PDE8B: variants seen among roughly 807,000 people sequenced by gnomAD.
The protein encoded by PDE8B is phosphodiesterase 8B, also known as high affinity cAMP-specific and IBMX-insensitive 3',5'-cyclic phosphodiesterase 8B.
In PDE8B, 26 loss-of-function variants were observed where a neutral mutation model predicts 101.3. The observed-to-expected ratio is 0.26, with a 90% CI of 0.19 to 0.36. PDE8B has a LOEUF of 0.36. PDE8B is among the 10% of genes least tolerant of loss of function. The probability of loss-of-function intolerance (pLI) is 1.00; values close to 1 mark genes in which losing one functional copy is unlikely to be tolerated. For synonymous variants in PDE8B, 424 were observed against 429.3 expected (o/e 0.99, Z 0.15); for missense variants, 810 against 1,163.1 (o/e 0.70, Z 4.42).
chr5:77,198,595 A>AT, the PDE8B span, among the ~76,000 whole-genome samples: 1 of 152,158 alleles, frequency 6.6e-6, no homozygotes, highest in Non-Finnish European at 1.5e-5. Flanking sequence ...TGGGGTAGTC[A>AT]TATTGTATAT....
the PDE8B span, among the ~76,000 whole-genome samples, chr5:77,116,829 G>T: frequency 1.0e-2 from 1,521 of 152,278 alleles, 27 homozygotes; most frequent in South Asian, 0.052. Flanking sequence ...TGTACTGTTT[G>T]TGTTTCTTTA....
At chr5:77,231,243 C>T (rs1160297269) in intron 1 of PDE8B, among the ~76,000 whole-genome samples, 1 of 152,136 alleles carries the variant, frequency 6.6e-6, no homozygotes, top group Non-Finnish European at 1.5e-5. Context: ...ATACAGCAGA[C>T]AGTGTGGAAA....
chr5:77,373,090 C>T (rs1314632360), intron 10 of PDE8B, among the ~76,000 whole-genome samples: 1 of 151,126 alleles, frequency 6.6e-6, no homozygotes, highest in African/African-American at 2.4e-5. Context: ...TGTTTGTGTC[C>T]TCTCTCTTTT....
intron 5 of PDE8B, among the ~76,000 whole-genome samples, chr5:77,333,572 A>G (rs1021523551): frequency 7.9e-5 from 12 of 152,196 alleles, no homozygotes; most frequent in African/African-American, 2.9e-4. Context: ...GGACCCATGT[A>G]CGTGCTGTTG....
At chr5:77,342,315 A>G (rs1779350245) in intron 6 of PDE8B, among the ~76,000 whole-genome samples, 1 of 152,200 alleles carries the variant, frequency 6.6e-6, no homozygotes, top group Non-Finnish European at 1.5e-5. Context: ...AACCTGTGAA[A>G]TACGTATTAT....
rs1791941804 is a variant in PDE8B, at chr5:77,400,131, G to A, written c.1168-117G>A. 6.1e-5 allele frequency: 46 copies of A among 759,216 alleles called. No homozygotes were observed. The South Asian group carries it at 6.3e-4, about 10-fold the overall frequency. 47.0% of individuals were successfully genotyped at this position (759,216 alleles called of 1,614,324 possible). On this transcript the variant is annotated intron_variant, in intron 10 of 21. Coordinates refer to ENST00000264917, the MANE Select transcript of PDE8B (RefSeq NM_003719.5). ...TTCATCTGTTCATATTATATGTGCAGCTTCTTGCTTTCTTCAAGTCTTCAG... is the reference window on the plus strand; with the variant it reads ...TTCATCTGTTCATATTATATGTGCAACTTCTTGCTTTCTTCAAGTCTTCAG...
chr5:77,154,926 G>T, the PDE8B span, among the ~76,000 whole-genome samples: 1 of 152,182 alleles, frequency 6.6e-6, no homozygotes, highest in Non-Finnish European at 1.5e-5. Flanking sequence ...AGCGGTGGCA[G>T]GGAGAGACCT....
intron 6 of PDE8B, among the ~76,000 whole-genome samples, chr5:77,343,299 G>A (rs1779546494): frequency 6.6e-6 from 1 of 152,150 alleles, no homozygotes; most frequent in African/African-American, 2.4e-5. Context: ...GGATGATTTT[G>A]TCATTGTGCA....
chr5:77,231,967 G>A (rs918823554), intron 1 of PDE8B, among the ~76,000 whole-genome samples: 2 of 152,224 alleles, frequency 1.3e-5, no homozygotes, highest in African/African-American at 4.8e-5. Flanking sequence ...CCAGCCACAA[G>A]GGAGGCTTGT....
At chr5:77,143,543 G>A in the PDE8B span, among the ~76,000 whole-genome samples, 1 of 152,164 alleles carries the variant, frequency 6.6e-6, no homozygotes, top group East Asian at 1.9e-4. Context: ...ATAAGTGGAA[G>A]ATGTTATGGA....
At chr5:77,417,543 C>A (rs932922026) in intron 17 of PDE8B, among the ~76,000 whole-genome samples, 2 of 152,174 alleles carry the variant, frequency 1.3e-5, no homozygotes, top group Admixed American at 6.5e-5. Flanking sequence ...TCTGATAACT[C>A]CTAAAGCTGC....
At chr5:77,280,358 G>GGT (rs1012107205) in intron 1 of PDE8B, among the ~76,000 whole-genome samples, 3 of 151,942 alleles carry the variant, frequency 2.0e-5, no homozygotes, top group African/African-American at 7.3e-5. Flanking sequence ...CCTGCAGGAG[G>GGT]GTGTGTGTGT....
At chr5:77,194,831 A>G in the PDE8B span, among the ~76,000 whole-genome samples, 1 of 152,214 alleles carries the variant, frequency 6.6e-6, no homozygotes, top group Non-Finnish European at 1.5e-5. Flanking sequence ...TTGTGTATTC[A>G]GTCATCTGTT....
chr5:77,401,044 A>C (rs1223351081), intron 11 of PDE8B, among the ~76,000 whole-genome samples: 1 of 152,204 alleles, frequency 6.6e-6, no homozygotes, highest in African/African-American at 2.4e-5. Context: ...ATACTTAGAA[A>C]GATGTCATTT....
intron 1 of PDE8B, among the ~76,000 whole-genome samples, chr5:77,227,957 C>T (rs898921430): frequency 1.2e-4 from 18 of 152,004 alleles, no homozygotes; most frequent in African/African-American, 4.1e-4. Context: ...CTTAAGACAC[C>T]CACATTTATT....
At chr5:77,155,392 G>C in the PDE8B span, among the ~76,000 whole-genome samples, 1 of 152,194 alleles carries the variant, frequency 6.6e-6, no homozygotes, top group East Asian at 1.9e-4. Context: ...CTAAAACAGA[G>C]AGCAGTAAAT....
intron 10 of PDE8B, among the ~76,000 whole-genome samples, chr5:77,388,924 G>A (rs935521297): frequency 4.6e-5 from 7 of 152,180 alleles, no homozygotes; most frequent in Admixed American, 6.5e-5. Context: ...CCCTCCCCAC[G>A]CCAAGCTCAA....
At chr5:77,309,884 T>C (rs1772150817) in intron 1 of PDE8B, among the ~76,000 whole-genome samples, 1 of 149,426 alleles carries the variant, frequency 6.7e-6, no homozygotes, top group Non-Finnish European at 1.5e-5. Context: ...CCTCCGAAAA[T>C]GCTGGGATTA....
intron 1 of PDE8B, among the ~76,000 whole-genome samples, chr5:77,239,224 G>A (rs556405268): frequency 6.6e-6 from 1 of 152,198 alleles, no homozygotes; most frequent in Admixed American, 6.5e-5. Context: ...AATCAACCCT[G>A]TTGGGTTCAG....
Sources: allele counts gnomAD v4.1 joint callset (sites outside exome capture counted in the v4.1 genomes callset), GRCh38; gene constraint gnomAD v4.1.1; transcripts MANE v1.5; gene names NCBI Gene and HGNC (gene_info 2026-07-23, HGNC 2026-07-21).